Variants in ITGBL1 observed in about 807,000 individuals in gnomAD.
ITGBL1 encodes the protein integrin subunit beta like 1, also known as integrin beta-like protein 1.
In ITGBL1, 51 loss-of-function variants were observed where a neutral mutation model predicts 68.5. The observed-to-expected ratio is 0.74, with a 90% CI of 0.59 to 0.94. ITGBL1 has a LOEUF of 0.94. Ranked by LOEUF, ITGBL1 falls within the 40% of genes least tolerant of loss-of-function variation. ITGBL1 has a pLI of 0.00. For missense variants in ITGBL1, 649 were observed against 647.4 expected (o/e 1.00, Z -0.03); for synonymous variants, 209 against 227.3 (o/e 0.92, Z 0.72).
chr13:101,709,647 C>G (rs1377239890), intron 9 of ITGBL1, among the ~76,000 whole-genome samples: 2 of 152,106 alleles, frequency 1.3e-5, no homozygotes, highest in Non-Finnish European at 2.9e-5. Flanking sequence ...TTCACAGAAG[C>G]TCTACTGAAA....
intron 8 of ITGBL1, among the ~76,000 whole-genome samples, chr13:101,706,334 T>A (rs1400529112): frequency 1.3e-5 from 2 of 152,216 alleles, no homozygotes; most frequent in Non-Finnish European, 2.9e-5. Flanking sequence ...CCTTTTGTTT[T>A]ATTAGTAAGC....
chr13:101,612,653 G>A (rs953758647), intron 7 of ITGBL1, among the ~76,000 whole-genome samples: 5 of 152,222 alleles, frequency 3.3e-5, no homozygotes, highest in Non-Finnish European at 7.4e-5. Context: ...ACATAGAGAG[G>A]AAAACCCAGA....
At chr13:101,641,152 C>A (rs1191571256) in intron 7 of ITGBL1, among the ~76,000 whole-genome samples, 1 of 152,094 alleles carries the variant, frequency 6.6e-6, no homozygotes, top group Non-Finnish European at 1.5e-5. Context: ...CAGGAACTTA[C>A]AATAGCTTCA....
intron 2 of ITGBL1, among the ~76,000 whole-genome samples, chr13:101,505,027 T>C (rs1457533321): frequency 3.3e-5 from 5 of 152,156 alleles, no homozygotes; most frequent in Non-Finnish European, 5.9e-5. Flanking sequence ...CTGAGGCGTT[T>C]TGGGTGTTCG....
chr13:101,632,888 T>C (rs2032032896), intron 7 of ITGBL1, among the ~76,000 whole-genome samples: 2 of 152,216 alleles, frequency 1.3e-5, no homozygotes, highest in Admixed American at 6.5e-5. Flanking sequence ...CCTGATGATA[T>C]TGCTTTGATC....
At chr13:101,454,409 C>A (rs1004841517) in intron 2 of ITGBL1, among the ~76,000 whole-genome samples, 7 of 146,502 alleles carry the variant, frequency 4.8e-5, no homozygotes, top group Non-Finnish European at 1.1e-4. Flanking sequence ...TCCCCCCCCC[C>A]CCCCCCAACT....
chr13:101,520,879 G>T (rs563799971), intron 2 of ITGBL1, among the ~76,000 whole-genome samples: 3 of 152,290 alleles, frequency 2.0e-5, no homozygotes, highest in African/African-American at 7.2e-5. Flanking sequence ...CCCATTGGTG[G>T]CAAGGGCCTG....
chr13:101,519,956 A>G (rs2139131145), intron 2 of ITGBL1, among the ~76,000 whole-genome samples: 1 of 152,334 alleles, frequency 6.6e-6, no homozygotes. Context: ...TCCTGTCAAT[A>G]AAGCCATGTG....
At chr13:101,707,546 A>C (rs1187964789) in intron 9 of ITGBL1, among the ~76,000 whole-genome samples, 3 of 152,202 alleles carry the variant, frequency 2.0e-5, no homozygotes, top group Non-Finnish European at 4.4e-5. Context: ...ATAAGAAAAT[A>C]GGTAATTGTT....
chr13:101,539,592 G>A (rs1293625870), intron 2 of ITGBL1, among the ~76,000 whole-genome samples: 1 of 151,776 alleles, frequency 6.6e-6, no homozygotes, highest in Non-Finnish European at 1.5e-5. Flanking sequence ...GGGTCAAATG[G>A]TATTTCTAGT....
intron 2 of ITGBL1, among the ~76,000 whole-genome samples, chr13:101,548,013 C>A (rs532019981): frequency 1.1e-4 from 16 of 151,430 alleles, no homozygotes; most frequent in Non-Finnish European, 4.4e-5. Flanking sequence ...ACCATAGTTA[C>A]CATTTTAGAT....
At chr13:101,678,307 CTG>C (rs1005606844) in intron 7 of ITGBL1, among the ~76,000 whole-genome samples, 3 of 152,092 alleles carry the variant, frequency 2.0e-5, no homozygotes, top group African/African-American at 4.8e-5. Flanking sequence ...CTAGAAGAAA[CTG>C]TTGTTTTATG....
chr13:101,600,562 T>C (rs1217262972), intron 7 of ITGBL1, among the ~76,000 whole-genome samples: 2 of 145,962 alleles, frequency 1.4e-5, no homozygotes, highest in African/African-American at 5.1e-5. Flanking sequence ...CAGTATGATA[T>C]TGGCTGTGGG....
chr13:101,629,549 A>T (rs1168963784), intron 7 of ITGBL1, among the ~76,000 whole-genome samples: 1 of 152,072 alleles, frequency 6.6e-6, no homozygotes, highest in African/African-American at 2.4e-5. Flanking sequence ...TTTGTTCTTC[A>T]TCTATTTAAA....
chr13:101,660,827 G>A (rs1200985650), intron 7 of ITGBL1, among the ~76,000 whole-genome samples: 42 of 152,150 alleles, frequency 2.8e-4, no homozygotes, highest in Non-Finnish European at 1.9e-4. Context: ...ATCTAAAAAT[G>A]CCTCCAAACA....
rs113409045 is a variant in ITGBL1 at position 101,665,855 on chromosome 13, A to C, written c.1016-26730A>C. Among the ~76,000 whole-genome samples, 40 of 152,304 alleles carry C rather than the reference A, an allele frequency of 2.6e-4. 1 individual carries two copies. Among genetic ancestry groups the C allele is most frequent in the African/African-American group, 9.6e-4 (40 of 41,570 alleles). ...GCCAAAACCACAGCGTTGCACAAAG[A>C]CCACCACAGTCTTACACACACAAAA... On this transcript the variant is annotated intron_variant, in intron 7 of 10. Transcript: ENST00000376180.
At chr13:101,457,396 CT>C (rs2048259200) in intron 2 of ITGBL1, among the ~76,000 whole-genome samples, 1 of 152,258 alleles carries the variant, frequency 6.6e-6, no homozygotes, top group East Asian at 1.9e-4. Flanking sequence ...ACACTATGCC[CT>C]TTTAAAGTTA....
At chr13:101,581,651 G>A (rs2050459738) in intron 5 of ITGBL1, among the ~76,000 whole-genome samples, 1 of 152,184 alleles carries the variant, frequency 6.6e-6, no homozygotes, top group Non-Finnish European at 1.5e-5. Context: ...TAGTCCATAT[G>A]TGTGTACCAT....
In ITGBL1 at chr13:101,606,560, C is replaced by T. The variant is rs1445331715; in HGVS notation, c.1015+8261C>T. On this transcript the variant is annotated intron_variant, in intron 7 of 10. Transcript: ENST00000376180. ...CATTCTTCCTGATTAAAGAATACAT[C>T]ATTATTATTATCGATGTTCTCCTGA... is the stretch of plus-strand genomic sequence containing the variant. 4.0e-5 allele frequency among the ~76,000 whole-genome samples: 6 copies of T among 150,978 alleles called. No individual in the cohort carries two copies. In the Admixed American group the frequency reaches 4.0e-4, roughly 10 times the overall value.
Sources: allele counts gnomAD v4.1 joint callset (sites outside exome capture counted in the v4.1 genomes callset), GRCh38; gene constraint gnomAD v4.1.1; transcripts MANE v1.5; gene names NCBI Gene and HGNC (gene_info 2026-07-23, HGNC 2026-07-21).